KCTD3: variants seen among roughly 807,000 people sequenced by gnomAD.
KCTD3 encodes the protein BTB/POZ domain-containing protein KCTD3.
KCTD3 carries 41 observed loss-of-function variants against 85.8 expected under a neutral mutation model. The observed-to-expected ratio is 0.48, with a 90% CI of 0.37 to 0.62. KCTD3 has a LOEUF of 0.62. Ranked by LOEUF, KCTD3 falls within the 20% of genes least tolerant of loss-of-function variation. The pLI is 0.00. For synonymous variants in KCTD3, 338 were observed against 345.4 expected, an observed-to-expected ratio of 0.98 and a Z score of 0.24; for missense variants, 724 against 989.9, an observed-to-expected ratio of 0.73 and a Z score of 3.60.
At chr1:215,577,328 C>A (rs1186855980) in intron 4 of KCTD3, among the ~76,000 whole-genome samples, 1 of 151,988 alleles carries the variant, frequency 6.6e-6, no homozygotes, top group Non-Finnish European at 1.5e-5. Context: ...TTAAAAGCAA[C>A]TAATGCCATA....
At chr1:215,578,601 C>T (rs1659677776) in intron 6 of KCTD3, among the ~76,000 whole-genome samples, 1 of 152,046 alleles carries the variant, frequency 6.6e-6, no homozygotes, top group Non-Finnish European at 1.5e-5. Context: ...AAAAATGTTC[C>T]CCTGTCAAAT....
At position 215,567,593 on chromosome 1, in the gene KCTD3, C is replaced by T; in HGVS notation, c.-93C>T. On this transcript the variant is annotated 5_prime_UTR_variant, in exon 1 of 18. Transcript: ENST00000259154. ...TCCGGCCGCCGCCGCCCCGCTGGCCCTGCAGCCGTCGCCGCTGCCTCGGGC... is the reference window on the plus strand; with the variant it reads ...TCCGGCCGCCGCCGCCCCGCTGGCCTTGCAGCCGTCGCCGCTGCCTCGGGC... The T allele has an allele frequency of 5.3e-6, 4 of 755,828 alleles. No individual in the cohort carries two copies. The highest frequency in any genetic ancestry group is 7.1e-6 in the Non-Finnish European group (4 of 565,294). The allele number at this position is 755,828 out of a possible 1,614,324, so 46.8% of individuals were successfully genotyped here. A position where few individuals can be genotyped will look rare whatever the true frequency, so the allele number is the denominator to read the frequency against.
At chr1:215,604,357 T>A in intron 13 of KCTD3, 55 bp downstream of exon 13, 1 of 1,400,890 alleles carries the variant, frequency 7.1e-7, no homozygotes, top group South Asian at 1.2e-5. Context: ...TTATTTTCAT[T>A]AAAAGAATGA....
chr1:215,595,316 G>A, intron 9 of KCTD3, 40 bp from the exon 10 acceptor site: 1 of 1,200,948 alleles, frequency 8.3e-7, no homozygotes, highest in Non-Finnish European at 1.2e-6. Flanking sequence ...TTCTAAAAAT[G>A]GTGACTGATT....
At chr1:215,573,891 T>C in intron 2 of KCTD3, 52 bp downstream of exon 2, 1 of 1,174,288 alleles carries the variant, frequency 8.5e-7, no homozygotes, top group East Asian at 2.4e-5. Flanking sequence ...TTTACCAAAA[T>C]ATAATAATGT....
intron 15 of KCTD3, among the ~76,000 whole-genome samples, chr1:215,612,585 T>C (rs1245581758): frequency 1.3e-5 from 2 of 152,176 alleles, no homozygotes; most frequent in African/African-American, 4.8e-5. Context: ...TCAGAAATGA[T>C]TTCTATTCAA....
chr1:215,581,204 C>T lies in KCTD3; in HGVS notation c.626+1205C>T, dbSNP rs1659808891. 1.6e-5 allele frequency: 3 copies of T among 188,500 alleles called. No individual in the cohort carries two copies. In the South Asian group the frequency reaches 2.4e-4, roughly 15 times the overall value. The allele number at this position is 188,500 out of a possible 1,614,324, so 11.7% of individuals were successfully genotyped here. A position where few individuals can be genotyped will look rare whatever the true frequency, so the allele number is the denominator to read the frequency against. On this transcript the variant is annotated intron_variant, in intron 8 of 17. Transcript: ENST00000259154. ...GGGGTTGCAGTGAGCTGATAGCTCA[C>T]CATTGTACTCCAACCTGCGCAACAG...
intron 9 of KCTD3, among the ~76,000 whole-genome samples, chr1:215,592,791 C>T (rs1660275050): frequency 1.3e-5 from 2 of 152,170 alleles, no homozygotes; most frequent in Admixed American, 6.5e-5. Context: ...GCTGAACTCC[C>T]TTCATTATAA....
chr1:215,609,431 A>G (rs564205585), intron 14 of KCTD3, among the ~76,000 whole-genome samples: 1 of 152,176 alleles, frequency 6.6e-6, no homozygotes, highest in South Asian at 2.1e-4. Flanking sequence ...TGAATAGGCC[A>G]GTGCCGGATC....
intron 9 of KCTD3, among the ~76,000 whole-genome samples, chr1:215,589,615 C>T (rs1255550874): frequency 6.6e-6 from 1 of 152,142 alleles, no homozygotes; most frequent in East Asian, 1.9e-4. Context: ...ACATAAACTG[C>T]ATTGTTTATG....
intron 8 of KCTD3, among the ~76,000 whole-genome samples, chr1:215,585,778 G>T (rs775517262): frequency 6.6e-6 from 1 of 152,084 alleles, no homozygotes. Flanking sequence ...AAACTGACAG[G>T]ATATTTATTA....
chr1:215,616,995 G>A lies in KCTD3; in HGVS notation c.1563-1891G>A, dbSNP rs187992862. Among the ~76,000 whole-genome samples, 13 of 152,200 alleles carry A rather than the reference G, an allele frequency of 8.5e-5. 1 individual carries two copies. The highest frequency in any genetic ancestry group is 1.3e-4 in the Non-Finnish European group (9 of 68,030). ...TTTGAGAAGGGGAGAGGAGCCGAAG[G>A]CTAAGTTGATCAATGGCCAATGATT... On this transcript the variant is annotated intron_variant, in intron 15 of 17. Transcript: ENST00000259154.
chr1:215,569,675 A>T (rs1659291273), intron 1 of KCTD3, among the ~76,000 whole-genome samples: 1 of 149,470 alleles, frequency 6.7e-6, no homozygotes. Context: ...GGCTCACTGC[A>T]AGCTCCGCCT....
At chr1:215,596,106 G>A (rs1272206146) in intron 10 of KCTD3, among the ~76,000 whole-genome samples, 2 of 152,288 alleles carry the variant, frequency 1.3e-5, no homozygotes, top group African/African-American at 4.8e-5. Context: ...ATATTTCATA[G>A]ACCTTCCTAA....
intron 1 of KCTD3, 96 bp downstream of exon 1, chr1:215,567,864 C>A: frequency 1.2e-6 from 1 of 853,156 alleles, no homozygotes; most frequent in Non-Finnish European, 1.6e-6. Flanking sequence ...CGAGGGCGAG[C>A]GTGGGAGGCC....
intron 10 of KCTD3, among the ~76,000 whole-genome samples, chr1:215,601,191 C>CCTCCCGAAGTGCTGGGATTAT (rs1301352795): frequency 6.6e-6 from 1 of 151,496 alleles, no homozygotes; most frequent in African/African-American, 2.4e-5. Flanking sequence ...CCTGCCTCGG[C>CCTCCCGAAGTGCTGGGATTAT]AGGTTTCTTT....
At chr1:215,615,500 G>C (rs1655401315) in intron 15 of KCTD3, among the ~76,000 whole-genome samples, 1 of 151,828 alleles carries the variant, frequency 6.6e-6, no homozygotes, top group South Asian at 2.1e-4. Context: ...GGTGCCTGTA[G>C]TCCCAGCTAC....
At chr1:215,593,028 T>G (rs928858353) in intron 9 of KCTD3, among the ~76,000 whole-genome samples, 3 of 152,216 alleles carry the variant, frequency 2.0e-5, no homozygotes, top group African/African-American at 7.2e-5. Context: ...TGTTAGTTGG[T>G]TTTCCTGTTT....
At position 215,601,879 on chromosome 1, in the gene KCTD3, G is replaced by C; in HGVS notation, c.946G>C (p.Val316Leu). ...VTQHWQVQDV[V>L]PITSYDTAGS... Reference sequence around the variant, plus strand: ...CTCACTACATCAGGTTCAAGATGTTGTTCCTATAACTAGTTATGACACTGC... The same window carrying C: ...CTCACTACATCAGGTTCAAGATGTTCTTCCTATAACTAGTTATGACACTGC... Residue 316 changes from valine to leucine, a missense_variant, in exon 11 of 18, where the codon GTT becomes CTT. Coordinates refer to ENST00000259154, the MANE Select transcript of KCTD3 (RefSeq NM_016121.5). The C allele has an allele frequency of 6.3e-7, 1 of 1,577,044 alleles. No individual in the cohort carries two copies. Among genetic ancestry groups the C allele is most frequent in the Non-Finnish European group, 8.7e-7 (1 of 1,147,978 alleles).
Sources: allele counts gnomAD v4.1 joint callset (sites outside exome capture counted in the v4.1 genomes callset), GRCh38; gene constraint gnomAD v4.1.1; transcripts MANE v1.5; gene names NCBI Gene and HGNC (gene_info 2026-07-23, HGNC 2026-07-21).